Variants in ZNF14 observed in about 807,000 individuals in gnomAD.
ZNF14 encodes zinc finger protein 14, also known as gonadotropin inducible transcription repressor-4.
In ZNF14, 9 loss-of-function variants were observed where a neutral mutation model predicts 11.3. The ratio of observed to expected loss-of-function variants is 0.80; its 90% CI spans 0.48 to 1.39. The LOEUF is 1.39. ZNF14 is among the 40% of genes most tolerant of loss of function. The probability of loss-of-function intolerance (pLI) is 0.00; values close to 1 mark genes in which losing one functional copy is unlikely to be tolerated. For missense variants in ZNF14, 711 were observed against 763.9 expected, an observed-to-expected ratio of 0.93 and a Z score of 0.82; for synonymous variants, 239 against 245.7, an observed-to-expected ratio of 0.97 and a Z score of 0.25.
chr19:19,713,393 C>T (rs1281806631), intron 3 of ZNF14, among the ~76,000 whole-genome samples: 3 of 151,680 alleles, frequency 2.0e-5, no homozygotes, highest in Non-Finnish European at 4.4e-5. Context: ...CTCAACCAAT[C>T]CTCCCATCTC....
intron 1 of ZNF14, among the ~76,000 whole-genome samples, chr19:19,716,324 T>G (rs137883547): frequency 0.036 from 5,412 of 152,296 alleles, 135 homozygotes; most frequent in South Asian, 0.056. Flanking sequence ...CGAGTTTCGC[T>G]GTTGCCCAGG....
chr19:19,729,031 C>T (rs1408151456), intron 1 of ZNF14, among the ~76,000 whole-genome samples: 3 of 152,190 alleles, frequency 2.0e-5, no homozygotes, highest in Non-Finnish European at 4.4e-5. Context: ...GGCTGGAGTA[C>T]AGTGGCGTGA....
intron 1 of ZNF14, among the ~76,000 whole-genome samples, chr19:19,727,028 A>G (rs1446702849): frequency 6.0e-5 from 8 of 133,780 alleles, no homozygotes; most frequent in African/African-American, 2.2e-4. Context: ...GACCCCTTGC[A>G]CTTCCCAAGT....
rs1481736143 is a variant in ZNF14 at position 19,712,598 on chromosome 19, C to T, written c.683G>A (p.Cys228Tyr). 16 of 1,613,544 alleles carry T rather than the reference C, an allele frequency of 9.9e-6. No individual in the cohort carries two copies. In the East Asian group the frequency reaches 3.1e-4, roughly 31 times the overall value. Residue 228 changes from cysteine (C) to tyrosine (Y), a missense_variant, in exon 4 of 4, where the codon TGT (cysteine) becomes TAT (tyrosine). Coordinates refer to ENST00000344099, the MANE Select transcript of ZNF14 (RefSeq NM_021030.3). ...TGKKPYECKQ[C>Y]GKAFICYQSF... ...TTGGTAACATATAAAGGCTTTCCCACACTGTTTACATTCATAGGGTTTCTT... is the reference window on the plus strand; with the variant it reads ...TTGGTAACATATAAAGGCTTTCCCATACTGTTTACATTCATAGGGTTTCTT...
At chr19:19,719,826 G>A (rs979350863) in intron 1 of ZNF14, among the ~76,000 whole-genome samples, 1 of 152,104 alleles carries the variant, frequency 6.6e-6, no homozygotes, top group Admixed American at 6.6e-5. Flanking sequence ...CAAATATACG[G>A]TGTTGAAAAG....
chr19:19,718,292 T>G (rs2163813), intron 1 of ZNF14, among the ~76,000 whole-genome samples: 30,044 of 151,952 alleles, frequency 0.2, 3,724 homozygotes, highest in East Asian at 0.27. Flanking sequence ...AATTTAAGCA[T>G]ATATATAGAA....
intron 3 of ZNF14, among the ~76,000 whole-genome samples, chr19:19,713,704 C>T (rs1411270169): frequency 6.7e-6 from 1 of 148,688 alleles, no homozygotes; most frequent in Non-Finnish European, 1.5e-5. Flanking sequence ...CTGCCTTGGC[C>T]TCCCAAAGTG....
intron 1 of ZNF14, among the ~76,000 whole-genome samples, chr19:19,732,638 C>T (rs2062427314): frequency 6.6e-6 from 1 of 152,252 alleles, no homozygotes; most frequent in Non-Finnish European, 1.5e-5. Flanking sequence ...ACGCACAAAC[C>T]CCACAGACCG....
At chr19:19,724,528 C>A (rs140250809) in intron 1 of ZNF14, among the ~76,000 whole-genome samples, 1 of 132,854 alleles carries the variant, frequency 7.5e-6, no homozygotes, top group Non-Finnish European at 1.7e-5. Flanking sequence ...GGAATAAGTG[C>A]GATGTGATGC....
intron 1 of ZNF14, among the ~76,000 whole-genome samples, chr19:19,717,030 C>T (rs964713206): frequency 3.3e-5 from 5 of 152,144 alleles, no homozygotes; most frequent in East Asian, 3.9e-4. Context: ...TCTCTGACAT[C>T]GACTGTGCCC....
At chr19:19,718,649 C>T (rs1480724921) in intron 1 of ZNF14, among the ~76,000 whole-genome samples, 1 of 152,120 alleles carries the variant, frequency 6.6e-6, no homozygotes, top group Non-Finnish European at 1.5e-5. Flanking sequence ...TAAATACCCC[C>T]AAATCCACAC....
At position 19,720,129 on chromosome 19, in the gene ZNF14, T is replaced by G. The variant is rs1568450141; in HGVS notation, c.4-5642A>C. ...GAGAACTGCATGGAGCCATGAAGTA[T>G]AGCTGGAGACTTCAATACCTGTCTA... is the stretch of plus-strand genomic sequence containing the variant. On this transcript the variant is annotated intron_variant, in intron 1 of 3. Transcript: ENST00000344099. The surrounding 1 kb of genome is among the most constrained non-coding windows in gnomAD (Gnocchi z 4.1). Among the ~76,000 whole-genome samples the G allele has an allele frequency of 6.6e-6, 1 of 152,178 alleles. No homozygotes were observed. Among genetic ancestry groups the G allele is most frequent in the Non-Finnish European group, 1.5e-5 (1 of 68,032 alleles).
In ZNF14 at chr19:19,720,556, T is replaced by A. The variant is rs746650223; in HGVS notation, c.4-6069A>T. Among the ~76,000 whole-genome samples the A allele has an allele frequency of 6.6e-6, 1 of 152,122 alleles. No individual in the cohort carries two copies. The highest frequency in any genetic ancestry group is 1.5e-5 in the Non-Finnish European group (1 of 68,024). On this transcript the variant is annotated intron_variant, in intron 1 of 3. Transcript: ENST00000344099. The surrounding 1 kb of genome is among the most constrained non-coding windows in gnomAD (Gnocchi z 4.1). ...CGGGGTTTCGCCATGTTGGCCAGGC[T>A]GGTCTCAAGGTCCTGACCTCAAGTG...
chr19:19,714,223 T>A, intron 2 of ZNF14, 72 bp from the exon 3 acceptor site: 1 of 1,587,728 alleles, frequency 6.3e-7, no homozygotes, highest in Non-Finnish European at 8.6e-7. Context: ...TCTAGTTTCA[T>A]GATTAGCTGT....
At position 19,711,497 on chromosome 19, in the gene ZNF14, G is replaced by T. The variant is rs368791317; in HGVS notation, c.1784C>A (p.Ala595Asp). The change falls in exon 4 of 4, where the codon GCC becomes GAC. Residue 595 changes from alanine to aspartate, a missense_variant. Ala to Asp is a moderately radical substitution (Grantham distance 126). Transcript: ENST00000344099. The stretch of plus-strand genomic sequence containing the variant: ...TCGAACAGAACTTGAAAATCTGAAG[G>T]CTTTCCCACATTGTTTACATCGATA... ...KPYRCKQCGK[A>D]FRFSSSVRIH... 3.7e-6 allele frequency: 6 copies of T among 1,613,694 alleles called. No homozygotes were observed. In the South Asian group the frequency reaches 6.6e-5, roughly 18 times the overall value.
At position 19,720,997 on chromosome 19, in the gene ZNF14, A is replaced by G. The variant is rs763072047; in HGVS notation, c.4-6510T>C. On this transcript the variant is annotated intron_variant, in intron 1 of 3. Coordinates refer to ENST00000344099, the MANE Select transcript of ZNF14 (RefSeq NM_021030.3). The surrounding 1 kb of genome is among the most constrained non-coding windows in gnomAD (Gnocchi z 4.1). ...TTTTGAGACAGAGTCTTGCTCTGTCACTCAGGTTGGAGCGCAGTGGCGCGA... is the reference window on the plus strand; with the variant it reads ...TTTTGAGACAGAGTCTTGCTCTGTCGCTCAGGTTGGAGCGCAGTGGCGCGA... 4.5e-4 allele frequency among the ~76,000 whole-genome samples: 68 copies of G among 152,166 alleles called. No homozygotes were observed. Among genetic ancestry groups the G allele is most frequent in the Admixed American group, 9.2e-4 (14 of 15,274 alleles).
At chr19:19,718,151 G>A (rs914937094) in intron 1 of ZNF14, among the ~76,000 whole-genome samples, 3 of 152,130 alleles carry the variant, frequency 2.0e-5, no homozygotes, top group Admixed American at 2.0e-4. Context: ...AGAAGACAGA[G>A]GTCAAGCACC....
chr19:19,729,319 CTT>C (rs10717958), intron 1 of ZNF14, among the ~76,000 whole-genome samples: 186 of 137,744 alleles, frequency 1.4e-3, no homozygotes, highest in Non-Finnish European at 1.4e-3. Context: ...ACACACACAA[CTT>C]TTTTTTTTTT....
rs184466433 is a variant in ZNF14, at chr19:19,726,231, G to A, written c.3+6725C>T. 3.1e-3 allele frequency among the ~76,000 whole-genome samples: 414 copies of A among 134,380 alleles called. 100 individuals are homozygous for A. Among genetic ancestry groups the A allele is most frequent in the African/African-American group, 9.4e-3 (342 of 36,476 alleles). The allele number at this position is 134,380 out of a possible 152,430, so 88.2% of individuals were successfully genotyped here. A position where few individuals can be genotyped will look rare whatever the true frequency, so the allele number is the denominator to read the frequency against. Reference sequence around the variant, plus strand: ...CATCTTTGTGGTTTTATCTACCTCTGGTCTTTGATGATGGTGACGTACAAA... The same window carrying A: ...CATCTTTGTGGTTTTATCTACCTCTAGTCTTTGATGATGGTGACGTACAAA... On this transcript the variant is annotated intron_variant, in intron 1 of 3. Transcript: ENST00000344099.
Sources: gnomAD v4.1 joint callset for allele counts (sites outside exome capture counted in the v4.1 genomes callset) on GRCh38, gnomAD v4.1.1 for gene constraint, Gnocchi (gnomAD v3.1) non-coding constraint, MANE v1.5 for transcripts, NCBI Gene and HGNC (gene_info 2026-07-23, HGNC 2026-07-21) for gene names.